The following PIGU variants were observed in gnomAD, a reference collection of about 807,000 sequenced individuals.
PIGU encodes phosphatidylinositol glycan anchor biosynthesis class U, also known as GPI-anchor transamidase component PIGU.
A neutral mutation model predicts 49.9 loss-of-function variants in PIGU; 24 were observed. The ratio of observed to expected loss-of-function variants is 0.48; its 90% CI spans 0.35 to 0.68. The LOEUF (loss-of-function observed/expected upper bound fraction) is 0.68, where lower values mean the gene tolerates loss of function less well. PIGU is among the 30% of genes least tolerant of loss of function. The pLI is 0.01. For missense variants in PIGU, 490 were observed against 532.6 expected, an observed-to-expected ratio of 0.92 and a Z score of 0.79; for synonymous variants, 220 against 205.7, an observed-to-expected ratio of 1.07 and a Z score of -0.59.
At chr20:34,673,388 GAAGAA>G (rs1179255949) in intron 1 of PIGU, among the ~76,000 whole-genome samples, 1 of 151,862 alleles carries the variant, frequency 6.6e-6, no homozygotes, top group African/African-American at 2.4e-5. Flanking sequence ...GGTACCCTTT[GAAGAA>G]AAGTAATGCT....
In PIGU at chr20:34,634,696, T is replaced by C; in HGVS notation, c.448A>G (p.Thr150Ala). 1 of 1,612,440 alleles carries C rather than the reference T, an allele frequency of 6.2e-7. No homozygotes were observed. Among genetic ancestry groups the C allele is most frequent in the Admixed American group, 1.7e-5 (1 of 59,948 alleles). The change falls in exon 6 of 12, where the codon ACG (threonine) becomes GCG (alanine). Residue 150 changes from threonine (T) to alanine (A), a missense_variant. Physicochemically the swap from Thr to Ala is moderately conservative, Grantham distance 58 (BLOSUM62 0). Coordinates refer to ENST00000217446, the MANE Select transcript of PIGU (RefSeq NM_080476.5). ...VALFYLLNPY[T>A]ILSCVAKSTC... ...GACTTGGCAACACAAGACAAAATCGTGTAAGGATTTAAGAGATAGCTGGGG... is the reference window on the plus strand; with the variant it reads ...GACTTGGCAACACAAGACAAAATCGCGTAAGGATTTAAGAGATAGCTGGGG...
At chr20:34,676,426 G>A (rs1048720030) in intron 1 of PIGU, among the ~76,000 whole-genome samples, 2 of 152,206 alleles carry the variant, frequency 1.3e-5, no homozygotes, top group Admixed American at 6.6e-5. Flanking sequence ...GTTCGGTGAA[G>A]AACTTAGTAA....
intron 4 of PIGU, among the ~76,000 whole-genome samples, chr20:34,643,149 T>C (rs1388056099): frequency 6.6e-6 from 1 of 152,088 alleles, no homozygotes; most frequent in East Asian, 1.9e-4. Flanking sequence ...TTGGTGATAC[T>C]AAGTCCCTAA....
chr20:34,664,818 G>A (rs532105621), intron 1 of PIGU, among the ~76,000 whole-genome samples: 22 of 152,102 alleles, frequency 1.4e-4, no homozygotes, highest in Admixed American at 1.4e-3. Context: ...GTGAAACCCT[G>A]TCTCTACCAA....
intron 6 of PIGU, among the ~76,000 whole-genome samples, chr20:34,618,555 G>C (rs1291616862): frequency 6.6e-6 from 1 of 152,176 alleles, no homozygotes; most frequent in Non-Finnish European, 1.5e-5. Flanking sequence ...GCAAAGGTGG[G>C]AGGACTGTTT....
chr20:34,567,453 T>A (rs1398468418), intron 11 of PIGU, among the ~76,000 whole-genome samples: 1 of 152,110 alleles, frequency 6.6e-6, no homozygotes, highest in Admixed American at 6.5e-5. Context: ...ATGGCACTTT[T>A]CCCACATTCA....
chr20:34,634,753 G>A lies in PIGU; in HGVS notation c.429-38C>T, dbSNP rs779414495. ...AAACATATTTGGCATTAGTAATCCT[G>A]ACCAAGGAGCCCTCGCCATTACAGC... On this transcript the variant is annotated intron_variant, in intron 5 of 11. Transcript: ENST00000217446. 5.0e-6 allele frequency: 8 copies of A among 1,600,112 alleles called. No homozygotes were observed. In the East Asian group the frequency reaches 1.6e-4, roughly 32 times the overall value.
At chr20:34,604,566 A>C (rs1984543474) in intron 7 of PIGU, among the ~76,000 whole-genome samples, 1 of 152,222 alleles carries the variant, frequency 6.6e-6, no homozygotes, top group East Asian at 1.9e-4. Flanking sequence ...AAAAGAAACA[A>C]AGCTAACAGC....
intron 7 of PIGU, among the ~76,000 whole-genome samples, chr20:34,614,322 A>G (rs1300582748): frequency 2.6e-5 from 3 of 116,886 alleles, no homozygotes; most frequent in African/African-American, 7.7e-5. Context: ...AGAAAAAGAA[A>G]ACAAATAAAA....
At chr20:34,574,494 G>T (rs6142199) in intron 11 of PIGU, among the ~76,000 whole-genome samples, 1 of 151,988 alleles carries the variant, frequency 6.6e-6, no homozygotes, top group Non-Finnish European at 1.5e-5. Context: ...CCAGCTCAGG[G>T]GAAGGCTGAG....
At chr20:34,633,243 C>T (rs576414717) in intron 6 of PIGU, among the ~76,000 whole-genome samples, 151 of 152,154 alleles carry the variant, frequency 9.9e-4, no homozygotes, top group African/African-American at 3.2e-3. Flanking sequence ...GAGGGTGGAT[C>T]GCTTAAGTCC....
At chr20:34,580,680 C>T (rs188286104) in intron 10 of PIGU, among the ~76,000 whole-genome samples, 1 of 152,194 alleles carries the variant, frequency 6.6e-6, no homozygotes, top group Non-Finnish European at 1.5e-5. Flanking sequence ...TAAAAACCCG[C>T]TCCACAAATG....
intron 7 of PIGU, among the ~76,000 whole-genome samples, chr20:34,607,455 T>G (rs1250624945): frequency 1.3e-5 from 2 of 152,166 alleles, no homozygotes. Flanking sequence ...TGGCGGGACC[T>G]CGGAGAAGAG....
intron 1 of PIGU, among the ~76,000 whole-genome samples, chr20:34,674,452 AC>A (rs1987426549): frequency 6.6e-6 from 1 of 152,172 alleles, no homozygotes; most frequent in Admixed American, 6.6e-5. Flanking sequence ...TAATTACCAA[AC>A]AACACTGTCT....
intron 11 of PIGU, among the ~76,000 whole-genome samples, chr20:34,573,902 T>C (rs1983116511): frequency 6.6e-6 from 1 of 152,182 alleles, no homozygotes; most frequent in Non-Finnish European, 1.5e-5. Context: ...TGAACATTAA[T>C]CCTCCAGAAA....
chr20:34,584,610 A>T (rs142324665), intron 9 of PIGU, among the ~76,000 whole-genome samples: 1 of 150,330 alleles, frequency 6.7e-6, no homozygotes, highest in Non-Finnish European at 1.5e-5. Context: ...CCCGGGCTCA[A>T]GTCATCCTCC....
chr20:34,585,982 C>T (rs1180133771), intron 8 of PIGU, among the ~76,000 whole-genome samples: 2 of 152,138 alleles, frequency 1.3e-5, no homozygotes, highest in Non-Finnish European at 2.9e-5. Flanking sequence ...GCTCAAAGAT[C>T]CTGCTCCTCC....
chr20:34,672,546 C>T (rs908907202), intron 1 of PIGU, among the ~76,000 whole-genome samples: 9 of 151,854 alleles, frequency 5.9e-5, no homozygotes, highest in Non-Finnish European at 1.2e-4. Context: ...CCAGAGCTTT[C>T]GTTGCACTTA....
At chr20:34,584,831 G>A (rs1983633365) in intron 9 of PIGU, among the ~76,000 whole-genome samples, 1 of 151,324 alleles carries the variant, frequency 6.6e-6, no homozygotes, top group East Asian at 1.9e-4. Context: ...GGGACTATAG[G>A]CACCCGCCAC....
Sources: allele counts gnomAD v4.1 joint callset (sites outside exome capture counted in the v4.1 genomes callset), GRCh38; gene constraint gnomAD v4.1.1; transcripts MANE v1.5; gene names NCBI Gene and HGNC (gene_info 2026-07-23, HGNC 2026-07-21).